CFAP47: variants seen among roughly 807,000 people sequenced by gnomAD.
CFAP47 encodes cilia- and flagella-associated protein 47.
In CFAP47, 29 loss-of-function variants were observed where a neutral mutation model predicts 148.1. The observed-to-expected ratio is 0.20, with a 90% CI of 0.15 to 0.27. The LOEUF is 0.27. Among genes scored for constraint, CFAP47 ranks in the 10% least tolerant of loss-of-function variants. The pLI is 1.00. For missense variants in CFAP47, 1,872 were observed against 1,697.5 expected (o/e 1.10, Z -1.81); for synonymous variants, 664 against 577.3 (o/e 1.15, Z -2.15).
At chrX:36,043,807 G>A (rs1361810881) in intron 25 of CFAP47, among the ~76,000 whole-genome samples, 3 of 112,674 alleles carry the variant, frequency 2.7e-5, no homozygotes, top group African/African-American at 3.2e-5. Flanking sequence ...CAACTAGGCA[G>A]TGTTCCAGTG....
At chrX:36,105,740 A>T (rs752180359) in intron 33 of CFAP47, among the ~76,000 whole-genome samples, 22 of 112,383 alleles carry the variant, frequency 2.0e-4, no homozygotes, top group Non-Finnish European at 4.1e-4. Flanking sequence ...GAACTACACA[A>T]AAACACATAA....
intron 26 of CFAP47, among the ~76,000 whole-genome samples, chrX:36,053,440 T>C (rs1196259357): frequency 8.9e-6 from 1 of 111,795 alleles, no homozygotes; most frequent in Non-Finnish European, 1.9e-5. Context: ...ACATTATTTG[T>C]CATGGTTTGG....
chrX:36,100,382 TCA>T (rs1276394105), intron 32 of CFAP47, among the ~76,000 whole-genome samples: 1 of 112,114 alleles, frequency 8.9e-6, no homozygotes, highest in Non-Finnish European at 1.9e-5. Context: ...AAAACTATAT[TCA>T]CTAAGATTCA....
chrX:36,261,679 A>C (rs1429526719), intron 49 of CFAP47, among the ~76,000 whole-genome samples: 1 of 110,756 alleles, frequency 9.0e-6, no homozygotes, highest in Admixed American at 9.5e-5. Context: ...AAGGCAGAAG[A>C]ATTTTTCTTA....
chrX:36,045,698 C>T lies in CFAP47; in HGVS notation c.4008-1156C>T, dbSNP rs140491459. ...TAGACACTAACCTTTGTTGTTTAAA[C>T]GGGAAATAGTAGTGGCTTCAATTAA... On this transcript the variant is annotated intron_variant, in intron 25 of 63. Coordinates refer to ENST00000378653, the MANE Select transcript of CFAP47 (RefSeq NM_001304548.2). Among the ~76,000 whole-genome samples, 458 of 112,003 alleles carry T rather than the reference C, an allele frequency of 4.1e-3. 1 individual carries two copies. Among genetic ancestry groups the T allele is most frequent in the African/African-American group, 0.014 (438 of 30,927 alleles).
intron 51 of CFAP47, among the ~76,000 whole-genome samples, chrX:36,288,114 AT>A (rs1556004945): frequency 9.0e-6 from 1 of 111,690 alleles, no homozygotes; most frequent in Non-Finnish European, 1.9e-5. Context: ...AAATTTCCAC[AT>A]TTTTTCTACA....
chrX:36,066,642 G>A (rs1937644612), intron 27 of CFAP47, among the ~76,000 whole-genome samples: 1 of 111,258 alleles, frequency 9.0e-6, no homozygotes, highest in Non-Finnish European at 1.9e-5. Flanking sequence ...CCTTTACCCA[G>A]GTACCTTCTC....
chrX:36,012,560 C>G (rs895073000), intron 21 of CFAP47, among the ~76,000 whole-genome samples: 2 of 111,452 alleles, frequency 1.8e-5, no homozygotes, highest in African/African-American at 6.5e-5. Context: ...CAAACTAACA[C>G]AGGAACAGAA....
At chrX:35,952,113 A>G in intron 6 of CFAP47, 150 bp downstream of exon 6, 1 of 529,621 alleles carries the variant, frequency 1.9e-6, no homozygotes, top group Non-Finnish European at 2.7e-6. Flanking sequence ...GATGTTTCTA[A>G]CATGGTTAGT....
At position 35,960,380 on chromosome X, in the gene CFAP47, G is replaced by GAAAAAAAAAAAAAAAAAAAAAAAA. The variant is rs1188987905; in HGVS notation, c.1410+4188_1410+4211dup. Among the ~76,000 whole-genome samples the GAAAAAAAAAAAAAAAAAAAAAAAA allele has an allele frequency of 7.8e-4, 12 of 15,480 alleles. 4 individuals carry two copies. The highest frequency in any genetic ancestry group is 2.4e-3 in the African/African-American group (9 of 3,812). The allele number at this position is 15,480 out of a possible 115,157, so 13.4% of individuals were successfully genotyped here. A position where few individuals can be genotyped will look rare whatever the true frequency, so the allele number is the denominator to read the frequency against. Reference sequence around the variant, plus strand: ...CTTTAACATTAGCTTGCTAATTTCTGAAAAAAAAAAAAAAAAAAAAAAAAA... The same window carrying GAAAAAAAAAAAAAAAAAAAAAAAA: ...CTTTAACATTAGCTTGCTAATTTCTGAAAAAAAAAAAAAAAAAAAAAAAAAAAAAAAAAAAAAAAAAAAAAAAAA... On this transcript the variant is annotated intron_variant, in intron 8 of 63. Coordinates refer to ENST00000378653, the MANE Select transcript of CFAP47 (RefSeq NM_001304548.2).
At chrX:35,943,830 G>A (rs1383808620) in intron 3 of CFAP47, among the ~76,000 whole-genome samples, 3 of 110,650 alleles carry the variant, frequency 2.7e-5, no homozygotes, top group Non-Finnish European at 3.8e-5. Context: ...TAAAATTTTT[G>A]TGGGCACATG....
At chrX:35,969,853 C>G (rs1384478519) in intron 10 of CFAP47, among the ~76,000 whole-genome samples, 3 of 111,828 alleles carry the variant, frequency 2.7e-5, no homozygotes, top group African/African-American at 9.7e-5. Flanking sequence ...TTGTTGAAGA[C>G]AAGAAGAAAA....
chrX:36,207,701 C>T (rs1940053975), intron 45 of CFAP47, among the ~76,000 whole-genome samples: 1 of 111,388 alleles, frequency 9.0e-6, no homozygotes, highest in African/African-American at 3.3e-5. Flanking sequence ...AACCTCATGC[C>T]TCACAAAACT....
At chrX:36,233,766 C>T (rs1451353169) in intron 46 of CFAP47, among the ~76,000 whole-genome samples, 1 of 110,933 alleles carries the variant, frequency 9.0e-6, no homozygotes, top group Non-Finnish European at 1.9e-5. Flanking sequence ...TTGTTCCTTT[C>T]CATGTTTAGC....
intron 17 of CFAP47, 98 bp downstream of exon 17, chrX:35,992,041 A>G (rs748128198): frequency 4.1e-4 from 113 of 276,879 alleles, no homozygotes; most frequent in Non-Finnish European, 6.1e-4. Context: ...TAATTTTTAG[A>G]TACTTCACAT....
At chrX:36,203,316 T>G (rs5973609) in intron 44 of CFAP47, among the ~76,000 whole-genome samples, 5,692 of 111,679 alleles carry the variant, frequency 0.051, 400 homozygotes, top group African/African-American at 0.18. Flanking sequence ...CTTTCAAAAT[T>G]TAAGCCTGTC....
intron 29 of CFAP47, among the ~76,000 whole-genome samples, chrX:36,076,968 A>G (rs1370985639): frequency 9.0e-6 from 1 of 110,753 alleles, no homozygotes; most frequent in Non-Finnish European, 1.9e-5. Context: ...CTAGCCAAGT[A>G]TCATAGTATC....
At chrX:36,318,001 G>A (rs1393648729) in intron 56 of CFAP47, among the ~76,000 whole-genome samples, 2 of 111,303 alleles carry the variant, frequency 1.8e-5, no homozygotes, top group Non-Finnish European at 3.8e-5. Context: ...ATATTTGAGA[G>A]CTTATAAAAA....
At chrX:36,345,445 G>A (rs1941689320) in intron 57 of CFAP47, among the ~76,000 whole-genome samples, 1 of 110,937 alleles carries the variant, frequency 9.0e-6, no homozygotes, top group Middle Eastern at 4.6e-3. Flanking sequence ...AACAGGTCTC[G>A]CTTATGAGAA....
Sources: allele counts gnomAD v4.1 joint callset (sites outside exome capture counted in the v4.1 genomes callset), GRCh38; gene constraint gnomAD v4.1.1; transcripts MANE v1.5; gene names NCBI Gene and HGNC (gene_info 2026-07-23, HGNC 2026-07-21).